WWOX: variants seen among roughly 807,000 people sequenced by gnomAD.
The protein encoded by WWOX is WW domain containing oxidoreductase.
WWOX carries 69 observed loss-of-function variants against 46.2 expected under a neutral mutation model. The observed-to-expected ratio is 1.49, with a 90% CI of 1.23 to 1.82. The LOEUF is 1.82. WWOX is among the 40% of genes most tolerant of loss of function. The pLI, the probability that WWOX is intolerant of heterozygous loss-of-function variation, is 0.00. For synonymous variants in WWOX, 359 were observed against 202.6 expected (o/e 1.77, Z -6.56); for missense variants, 919 against 542.6 (o/e 1.69, Z -6.89).
chr16:78,481,356 G>T (rs565089784), intron 8 of WWOX, among the ~76,000 whole-genome samples: 1 of 152,206 alleles, frequency 6.6e-6, no homozygotes, highest in East Asian at 1.9e-4. Context: ...GGTCTACTCT[G>T]TTTATCCTCT....
intron 6 of WWOX, among the ~76,000 whole-genome samples, chr16:78,401,405 G>A (rs2082410095): frequency 6.6e-6 from 1 of 152,162 alleles, no homozygotes; most frequent in Non-Finnish European, 1.5e-5. Flanking sequence ...CTAATAGGCT[G>A]AAATAATGTT....
At chr16:78,486,644 C>T (rs8062354) in intron 8 of WWOX, among the ~76,000 whole-genome samples, 95,272 of 151,948 alleles carry the variant, frequency 0.63, 34,040 homozygotes, top group East Asian at 0.82. Context: ...GTGTGATCTC[C>T]GCTCACTGCA....
intron 8 of WWOX, among the ~76,000 whole-genome samples, chr16:78,509,159 C>T (rs886879651): frequency 5.9e-5 from 9 of 152,224 alleles, no homozygotes; most frequent in African/African-American, 2.2e-4. Context: ...TTGAAGCTTG[C>T]CGGGCATGGT....
At chr16:78,785,729 A>G (rs1172942321) in intron 8 of WWOX, among the ~76,000 whole-genome samples, 7 of 152,170 alleles carry the variant, frequency 4.6e-5, no homozygotes, top group Non-Finnish European at 1.0e-4. Context: ...TTTCATTTTT[A>G]TTAAGAAGTA....
chr16:78,515,494 C>G (rs1219947648), intron 8 of WWOX, among the ~76,000 whole-genome samples: 1 of 152,094 alleles, frequency 6.6e-6, no homozygotes, highest in African/African-American at 2.4e-5. Flanking sequence ...GTGTACTGGT[C>G]ATTTCCCCGG....
At chr16:78,434,040 C>T (rs1311388275) in intron 8 of WWOX, among the ~76,000 whole-genome samples, 2 of 152,208 alleles carry the variant, frequency 1.3e-5, no homozygotes, top group East Asian at 1.9e-4. Context: ...CCGCCCGCCT[C>T]GGCCTCCCAA....
At chr16:78,912,960 G>T (rs2045150475) in intron 8 of WWOX, among the ~76,000 whole-genome samples, 1 of 151,946 alleles carries the variant, frequency 6.6e-6, no homozygotes, top group South Asian at 2.1e-4. Context: ...CCATTCTGAG[G>T]GCTCCACAAA....
chr16:78,380,350 G>A (rs1447440278), intron 5 of WWOX, among the ~76,000 whole-genome samples: 5 of 152,186 alleles, frequency 3.3e-5, no homozygotes, highest in African/African-American at 1.2e-4. Context: ...CTGTGCATGA[G>A]CCTTTTGAAC....
chr16:78,895,831 A>G (rs1348991587), intron 8 of WWOX: 1 of 152,230 alleles, frequency 6.6e-6, no homozygotes, highest in Non-Finnish European at 1.5e-5. Flanking sequence ...GTATCCGACT[A>G]TATAAAGTCG....
At chr16:78,928,356 C>A (rs1391250301) in intron 8 of WWOX, among the ~76,000 whole-genome samples, 4 of 151,662 alleles carry the variant, frequency 2.6e-5, no homozygotes, top group African/African-American at 9.7e-5. Flanking sequence ...GCGCCCGCTA[C>A]CACGCCCGGC....
chr16:78,353,368 G>T (rs2081220982), intron 5 of WWOX, among the ~76,000 whole-genome samples: 1 of 152,154 alleles, frequency 6.6e-6, no homozygotes, highest in Non-Finnish European at 1.5e-5. Context: ...TGCCACAGCT[G>T]GGCTGAAGAG....
intron 8 of WWOX, among the ~76,000 whole-genome samples, chr16:78,632,234 G>T (rs1434342519): frequency 6.6e-6 from 1 of 152,172 alleles, no homozygotes; most frequent in African/African-American, 2.4e-5. Flanking sequence ...TGTACAATGG[G>T]GTTAATACTA....
chr16:78,447,823 A>T (rs906697895), intron 8 of WWOX, among the ~76,000 whole-genome samples: 2 of 152,146 alleles, frequency 1.3e-5, no homozygotes, highest in African/African-American at 4.8e-5. Flanking sequence ...TTATTATGTG[A>T]GTTGGAGTCT....
intron 8 of WWOX, among the ~76,000 whole-genome samples, chr16:79,002,542 A>C (rs1239908549): frequency 6.6e-6 from 1 of 152,094 alleles, no homozygotes; most frequent in Non-Finnish European, 1.5e-5. Flanking sequence ...TTATTTTGCT[A>C]AACCTGATGA....
chr16:78,905,042 A>G (rs2044926324), intron 8 of WWOX, among the ~76,000 whole-genome samples: 2 of 152,166 alleles, frequency 1.3e-5, no homozygotes, highest in Non-Finnish European at 2.9e-5. Flanking sequence ...CTTCCACTTC[A>G]TGCTTTCAGC....
At chr16:78,520,295 T>C (rs1031353141) in intron 8 of WWOX, among the ~76,000 whole-genome samples, 11 of 152,206 alleles carry the variant, frequency 7.2e-5, no homozygotes, top group Non-Finnish European at 1.5e-4. Context: ...ACGCAGTGAA[T>C]TTTTTAGATG....
chr16:78,891,081 G>C (rs895769115), intron 8 of WWOX: 3 of 152,084 alleles, frequency 2.0e-5, no homozygotes, highest in African/African-American at 7.2e-5. Flanking sequence ...AAGTGATCCT[G>C]GATGAATGAA....
chr16:78,527,250 A>G (rs1435731162), intron 8 of WWOX, among the ~76,000 whole-genome samples: 1 of 152,110 alleles, frequency 6.6e-6, no homozygotes, highest in African/African-American at 2.4e-5. Context: ...AGCTGGTAGC[A>G]GAAGCCACCT....
At chr16:78,814,442 G>A (rs192090289) in intron 8 of WWOX, among the ~76,000 whole-genome samples, 19 of 151,766 alleles carry the variant, frequency 1.3e-4, no homozygotes, top group Admixed American at 5.2e-4. Flanking sequence ...AAACCACTGT[G>A]TGATGAAACT....
Sources: allele counts gnomAD v4.1 joint callset (sites outside exome capture counted in the v4.1 genomes callset), GRCh38; gene constraint gnomAD v4.1.1; transcripts MANE v1.5; gene names NCBI Gene and HGNC (gene_info 2026-07-23, HGNC 2026-07-21).